Variants in KCNG2 observed in about 807,000 individuals in gnomAD.
KCNG2 encodes potassium voltage-gated channel modifier subfamily G member 2, also known as voltage-gated potassium channel regulatory subunit KCNG2.
A neutral mutation model predicts 12.3 loss-of-function variants in KCNG2; 7 were observed. The ratio of observed to expected loss-of-function variants is 0.57; its 90% CI spans 0.32 to 1.07. The LOEUF (loss-of-function observed/expected upper bound fraction) is 1.07. Among genes scored for constraint, KCNG2 ranks in the 50% least tolerant of loss-of-function variants. The probability of loss-of-function intolerance (pLI) is 0.04; values close to 1 mark genes in which losing one functional copy is unlikely to be tolerated. For synonymous variants in KCNG2, 414 were observed against 351.4 expected, an observed-to-expected ratio of 1.18 and a Z score of -1.99; for missense variants, 703 against 726.0, an observed-to-expected ratio of 0.97 and a Z score of 0.36.
intron 1 of KCNG2, among the ~76,000 whole-genome samples, chr18:79,840,472 G>A (rs1392385187): frequency 6.6e-6 from 1 of 152,086 alleles, no homozygotes; most frequent in African/African-American, 2.4e-5. Context: ...CTAAATAAAT[G>A]GAGAGATGTA....
chr18:79,801,077 G>C (rs1430145295), intron 1 of KCNG2, among the ~76,000 whole-genome samples: 2 of 152,224 alleles, frequency 1.3e-5, no homozygotes, highest in Non-Finnish European at 2.9e-5. Context: ...GAGATGCCGG[G>C]CAGGGCTTTA....
intron 1 of KCNG2, among the ~76,000 whole-genome samples, chr18:79,824,085 C>T (rs957021527): frequency 2.0e-5 from 3 of 152,224 alleles, no homozygotes; most frequent in Admixed American, 6.5e-5. Context: ...TCACTGCAGC[C>T]TCCGCCCCCC....
rs1446577177 is a variant in KCNG2, at chr18:79,800,649, C to T, written c.-115+2635C>T. Among the ~76,000 whole-genome samples the T allele has an allele frequency of 1.3e-5, 2 of 152,238 alleles. No individual in the cohort carries two copies. The highest frequency in any genetic ancestry group is 2.9e-5 in the Non-Finnish European group (2 of 68,050). On this transcript the variant is annotated intron_variant, in intron 1 of 3. Transcript: ENST00000316249. The surrounding 1 kb of genome is among the most constrained non-coding windows in gnomAD (Gnocchi z 4.0). ...AACAGCACTGGCTCCTTCACAGCCG[C>T]GGCTTTCCGGCAGGAGCCTCAGCAG...
At chr18:79,834,746 C>G (rs955044672) in intron 1 of KCNG2, among the ~76,000 whole-genome samples, 28 of 152,222 alleles carry the variant, frequency 1.8e-4, no homozygotes, top group Non-Finnish European at 3.8e-4. Context: ...TCTCCCAACA[C>G]TCAGCTTTTC....
chr18:79,860,753 A>T (rs529640231), intron 2 of KCNG2, among the ~76,000 whole-genome samples: 7 of 152,180 alleles, frequency 4.6e-5, no homozygotes, highest in Non-Finnish European at 1.0e-4. Flanking sequence ...AGATCAAGTC[A>T]TCTCAAAATA....
intron 2 of KCNG2, among the ~76,000 whole-genome samples, chr18:79,860,657 A>G (rs12959088): frequency 0.45 from 53,687 of 119,180 alleles, 11,271 homozygotes; most frequent in Non-Finnish European, 0.55. Context: ...ACCCATTCTC[A>G]TAGTGATGTG....
chr18:79,867,453 TGGGG>T (rs10716602), intron 3 of KCNG2, among the ~76,000 whole-genome samples: 13,055 of 102,692 alleles, frequency 0.13, 889 homozygotes, highest in Middle Eastern at 0.23. Context: ...TGTCGTGTCT[TGGGG>T]GGGGGACCGT....
Position 79,887,452 on chromosome 18 carries a change from G to A in KCNG2, c.625-11588G>A, listed in dbSNP as rs1404256903. Among the ~76,000 whole-genome samples the A allele has an allele frequency of 5.3e-5, 8 of 152,232 alleles. No homozygotes were observed. The East Asian group carries it at 1.2e-3, about 22-fold the overall frequency. ...TCTCAGCAGGTGTTTCAAGGTTCAC[G>A]GGTCTTGAGCTCCGGCCTGAATTTG... On this transcript the variant is annotated intron_variant, in intron 3 of 3. Transcript: ENST00000316249.
chr18:79,858,895 C>T (rs1181588376), intron 2 of KCNG2, among the ~76,000 whole-genome samples: 2 of 152,188 alleles, frequency 1.3e-5, no homozygotes, highest in Admixed American at 6.5e-5. Context: ...TATTCAGATC[C>T]TCTGCCCATG....
chr18:79,798,407 G>A lies in KCNG2; in HGVS notation c.-115+393G>A, dbSNP rs1406202189. ...GGGAGCCCGGGTGAGCCGAAGGCGA[G>A]GAAGGGGCGCGGGTCTCGGGAAAAC... On this transcript the variant is annotated intron_variant, in intron 1 of 3. Transcript: ENST00000316249. 3.3e-5 allele frequency among the ~76,000 whole-genome samples: 5 copies of A among 152,142 alleles called. 1 individual carries two copies. Among genetic ancestry groups the A allele is most frequent in the Non-Finnish European group, 7.4e-5 (5 of 67,992 alleles).
At chr18:79,810,304 A>T (rs2087484922) in intron 1 of KCNG2, among the ~76,000 whole-genome samples, 1 of 151,752 alleles carries the variant, frequency 6.6e-6, no homozygotes, top group Non-Finnish European at 1.5e-5. Flanking sequence ...GAGACTGGAG[A>T]ATTTCTGATC....
At chr18:79,885,862 G>A (rs1238164458) in intron 3 of KCNG2, among the ~76,000 whole-genome samples, 3 of 96,824 alleles carry the variant, frequency 3.1e-5, no homozygotes, top group Non-Finnish European at 4.6e-5. Flanking sequence ...ATGGGGATGG[G>A]AACATAGGGA....
intron 1 of KCNG2, among the ~76,000 whole-genome samples, chr18:79,831,767 G>T (rs1480364264): frequency 2.6e-5 from 4 of 152,142 alleles, no homozygotes; most frequent in African/African-American, 9.7e-5. Flanking sequence ...TTTGTCAGGA[G>T]CGTTCCCTTC....
At chr18:79,887,440 T>C (rs1203436799) in intron 3 of KCNG2, among the ~76,000 whole-genome samples, 1 of 152,074 alleles carries the variant, frequency 6.6e-6, no homozygotes, top group Non-Finnish European at 1.5e-5. Flanking sequence ...CAGCAGGTGT[T>C]TCAAGGTTCA....
In KCNG2 at chr18:79,864,016, C is replaced by T; in HGVS notation, c.349C>T (p.Arg117Cys). The T allele has an allele frequency of 1.7e-6, 2 of 1,171,794 alleles. No individual in the cohort carries two copies. The highest frequency in any genetic ancestry group is 1.1e-6 in the Non-Finnish European group (1 of 948,328). The allele number at this position is 1,171,794 out of a possible 1,614,324, so 72.6% of individuals were successfully genotyped here. A position where few individuals can be genotyped will look rare whatever the true frequency, so the allele number is the denominator to read the frequency against. Residue 117 changes from arginine (R) to cysteine (C), a missense_variant, in exon 3 of 4, where the codon CGC becomes TGC. Transcript: ENST00000316249. Reference sequence around the variant, plus strand: ...GGGCATCGACGAGGCGCGCCTGGAGCGCTGCTGCCTGCGCCGCCTGCGCCG... The same window carrying T: ...GGGCATCGACGAGGCGCGCCTGGAGTGCTGCTGCCTGCGCCGCCTGCGCCG... The part of the protein sequence containing the change: ...YWGIDEARLE[R>C]CCLRRLRRRE...
At chr18:79,891,301 G>C (rs2123125675) in intron 3 of KCNG2, among the ~76,000 whole-genome samples, 2 of 150,934 alleles carry the variant, frequency 1.3e-5, no homozygotes, top group South Asian at 4.2e-4. Flanking sequence ...CACCATCATG[G>C]CTTACTGAAG....
At chr18:79,873,419 G>GCCC (rs1568266003) in intron 3 of KCNG2, among the ~76,000 whole-genome samples, 9 of 120,320 alleles carry the variant, frequency 7.5e-5, no homozygotes, top group South Asian at 3.3e-4. Flanking sequence ...GCTCCTGCCG[G>GCCC]CCCCCCTCCC....
At chr18:79,861,340 G>A (rs923445386) in intron 2 of KCNG2, among the ~76,000 whole-genome samples, 1 of 146,106 alleles carries the variant, frequency 6.8e-6, no homozygotes, top group Non-Finnish European at 1.5e-5. Context: ...CTGCAGTGGC[G>A]CGATCTCGGC....
chr18:79,896,280 T>C (rs1980972153), intron 3 of KCNG2, among the ~76,000 whole-genome samples: 1 of 152,144 alleles, frequency 6.6e-6, no homozygotes, highest in Non-Finnish European at 1.5e-5. Context: ...AATGATATTT[T>C]AAAGTTTTTT....
Sources: allele counts gnomAD v4.1 joint callset (sites outside exome capture counted in the v4.1 genomes callset), GRCh38; gene constraint gnomAD v4.1.1; non-coding constraint Gnocchi (gnomAD v3.1); transcripts MANE v1.5; gene names NCBI Gene and HGNC (gene_info 2026-07-23, HGNC 2026-07-21).